Variants in HEATR1 observed in about 807,000 individuals in gnomAD.
The protein encoded by HEATR1 is HEAT repeat containing 1.
A neutral mutation model predicts 248.2 loss-of-function variants in HEATR1; 77 were observed. The observed-to-expected ratio is 0.31, with a 90% confidence interval of 0.26 to 0.37. The LOEUF (loss-of-function observed/expected upper bound fraction) is 0.37, where lower values mean the gene tolerates loss of function less well. Among genes scored for constraint, HEATR1 ranks in the 10% least tolerant of loss-of-function variants. The pLI is 1.00. For synonymous variants in HEATR1, 897 were observed against 923.1 expected (o/e 0.97, Z 0.51); for missense variants, 2,420 against 2,504.9 (o/e 0.97, Z 0.72).
intron 25 of HEATR1, 37 bp downstream of exon 25, chr1:236,572,688 A>C: frequency 6.2e-7 from 1 of 1,600,286 alleles, no homozygotes; most frequent in South Asian, 1.1e-5. Flanking sequence ...AGAGTCAGGG[A>C]ACAACAGCAT....
intron 37 of HEATR1, among the ~76,000 whole-genome samples, chr1:236,556,674 A>C (rs1170081420): frequency 6.6e-6 from 1 of 152,234 alleles, no homozygotes; most frequent in Non-Finnish European, 1.5e-5. Context: ...CATGGTAATG[A>C]AGGCTCCTAA....
In HEATR1 at chr1:236,603,965, G is replaced by T; in HGVS notation, c.131C>A (p.Ala44Asp). The T allele has an allele frequency of 6.3e-7, 1 of 1,595,752 alleles. No individual in the cohort carries two copies. Among genetic ancestry groups the T allele is most frequent in the Non-Finnish European group, 8.5e-7 (1 of 1,174,552 alleles). ...KEAATIDRDTAFAIGCTGLEE... is the reference protein window; with the variant it reads ...KEAATIDRDTDFAIGCTGLEE... The stretch of plus-strand genomic sequence containing the variant: ...AAAAGATGGCTCACCAATGGCGAAG[G>T]CGGTGTCCCTGTCGATTGTGGCCGC... The change falls in exon 2 of 45, where the codon GCC becomes GAC. Residue 44 changes from alanine (A) to aspartate (D), a missense_variant. Transcript: ENST00000366582.
intron 29 of HEATR1, 91 bp downstream of exon 29, chr1:236,568,905 A>C (rs1490614902): frequency 7.4e-6 from 7 of 949,096 alleles, no homozygotes; most frequent in Admixed American, 8.3e-5. Context: ...AAACAAAAAA[A>C]AAAAACTAAA....
chr1:236,572,539 T>C lies in HEATR1; in HGVS notation c.3579A>G (p.Leu1193=). ...AACCTCCAACTTCCTGAACAGATTC[T>C]AGATCTTGTGATTTTCTGGAAAATG... The part of the protein sequence containing the change: ...QKMQQKKSQD[L]ESVQEVGGSY... Residue 1193 remains leucine, a synonymous_variant, in exon 26 of 45, where the codon CTA becomes CTG. Transcript: ENST00000366582. The C allele has an allele frequency of 6.2e-7, 1 of 1,613,884 alleles. No homozygotes were observed. Among genetic ancestry groups the C allele is most frequent in the Non-Finnish European group, 8.5e-7 (1 of 1,179,916 alleles).
At position 236,554,661 on chromosome 1, in the gene HEATR1, A is replaced by C; in HGVS notation, c.6015T>G (p.Phe2005Leu). 1 of 1,613,412 alleles carries C rather than the reference A, an allele frequency of 6.2e-7. No homozygotes were observed. Among genetic ancestry groups the C allele is most frequent in the Non-Finnish European group, 8.5e-7 (1 of 1,179,666 alleles). ...CTTTACTTATAAAATGCTGGGTATCAAAAAGGAAGATTTTGTATAAACAGT... is the reference window on the plus strand; with the variant it reads ...CTTTACTTATAAAATGCTGGGTATCCAAAAGGAAGATTTTGTATAAACAGT... ...ILNCLYKIFL[F>L]DTQHFISKER... Residue 2005 changes from phenylalanine to leucine, a missense_variant, in exon 42 of 45, where the codon TTT becomes TTG. Coordinates refer to ENST00000366582, the MANE Select transcript of HEATR1 (RefSeq NM_018072.6).
rs1364456183 is a variant in HEATR1 at position 236,576,336 on chromosome 1, TTTC to T, written c.2964_2966del (p.Lys989del). ...CAGACAACTTCTGATGAGATTTCAG[TTTC>T]TTTTCTCTCTGTAGTTCCTCAAATA... is the stretch of plus-strand genomic sequence containing the variant. On this transcript the variant is annotated inframe_deletion, in exon 22 of 45. Transcript: ENST00000366582. 1.6e-5 allele frequency: 25 copies of T among 1,610,078 alleles called. No homozygotes were observed. The highest frequency in any genetic ancestry group is 2.0e-5 in the Non-Finnish European group (24 of 1,178,814).
Position 236,576,189 on chromosome 1 carries a change from G to C in HEATR1, c.3084+30C>G, listed in dbSNP as rs769154533. The C allele has an allele frequency of 3.9e-6, 6 of 1,533,156 alleles. No homozygotes were observed. In the South Asian group the frequency reaches 5.1e-5, roughly 13 times the overall value. 95.0% of individuals were successfully genotyped at this position (1,533,156 alleles called of 1,614,324 possible). A position where few individuals can be genotyped will look rare whatever the true frequency, so the allele number is the denominator to read the frequency against. On this transcript the variant is annotated intron_variant, in intron 22 of 44. Coordinates refer to ENST00000366582, the MANE Select transcript of HEATR1 (RefSeq NM_018072.6). The stretch of plus-strand genomic sequence containing the variant: ...CAACAATTCTTTAGTAACATCACAG[G>C]AATGTACAATCCACTTAAATGGCAC...
rs1317692793 is a variant in HEATR1 at position 236,582,828 on chromosome 1, C to G, written c.2470G>C (p.Asp824His). The change falls in exon 19 of 45, where the codon GAC (aspartate) becomes CAC (histidine). Residue 824 changes from aspartate (D) to histidine (H), a missense_variant. Asp to His is a moderately conservative substitution (Grantham distance 81). Transcript: ENST00000366582. The part of the protein sequence containing the change: ...NPEQLKEDSR[D>H]YLHLLIGLFE... ...AGCCCAATGAGCAAGTGCAGATAGT[C>G]CCTGCTGTCTTCTTTCAGTTGTTCA... 1.1e-5 allele frequency: 18 copies of G among 1,613,788 alleles called. No individual in the cohort carries two copies. Among genetic ancestry groups the G allele is most frequent in the Non-Finnish European group, 1.5e-5 (18 of 1,179,788 alleles).
intron 12 of HEATR1, among the ~76,000 whole-genome samples, chr1:236,589,383 A>C (rs1414416485): frequency 6.6e-6 from 1 of 152,248 alleles, no homozygotes; most frequent in African/African-American, 2.4e-5. Flanking sequence ...CCTGAATATT[A>C]CATCAGTCAC....
intron 4 of HEATR1, 30 bp from the exon 5 acceptor site, chr1:236,598,009 G>A: frequency 1.4e-6 from 2 of 1,393,186 alleles, no homozygotes; most frequent in Non-Finnish European, 2.0e-6. Context: ...CAAACTACTA[G>A]CAACATTCAT....
Position 236,586,257 on chromosome 1 carries a change from T to C in HEATR1, c.1911A>G (p.Leu637=), listed in dbSNP as rs753457275. 1.8e-5 allele frequency: 29 copies of C among 1,610,754 alleles called. No individual in the cohort carries two copies. The highest frequency in any genetic ancestry group is 2.4e-5 in the Non-Finnish European group (28 of 1,178,306). Residue 637 remains leucine, a synonymous_variant, in exon 15 of 45, where the codon TTA becomes TTG. Transcript: ENST00000366582. The part of the protein sequence containing the change: ...KSGICSLHPL[L]RGWEEALENV... ...ATTTTTTACCTTCTTCCCAGCCTCT[T>C]AATAGAGGGTGCAGGGAGCAGATTC... is the stretch of plus-strand genomic sequence containing the variant.
chr1:236,575,023 T>C (rs757297512), intron 22 of HEATR1, 120 bp from the exon 23 acceptor site: 17 of 871,076 alleles, frequency 2.0e-5, no homozygotes, highest in Admixed American at 2.8e-5. Flanking sequence ...AAAAACCCAA[T>C]GATGGTAACT....
chr1:236,562,501 C>A (rs1018160724), intron 32 of HEATR1, among the ~76,000 whole-genome samples: 3 of 152,188 alleles, frequency 2.0e-5, no homozygotes, highest in Non-Finnish European at 4.4e-5. Flanking sequence ...ATTCTCTCCC[C>A]CAACTGCTTT....
intron 23 of HEATR1, 70 bp downstream of exon 23, chr1:236,574,591 T>G: frequency 6.8e-7 from 1 of 1,472,416 alleles, no homozygotes; most frequent in East Asian, 2.3e-5. Flanking sequence ...TTTTTAACGC[T>G]GTTCCTGTTG....
At chr1:236,573,603 A>G (rs1333332681) in intron 24 of HEATR1, among the ~76,000 whole-genome samples, 2 of 152,122 alleles carry the variant, frequency 1.3e-5, no homozygotes, top group African/African-American at 4.8e-5. Context: ...ACTGAAGTAC[A>G]GAGGGATGAA....
At chr1:236,589,925 T>C (rs1663988864) in intron 12 of HEATR1, among the ~76,000 whole-genome samples, 1 of 152,204 alleles carries the variant, frequency 6.6e-6, no homozygotes, top group African/African-American at 2.4e-5. Flanking sequence ...GAGAAAATAA[T>C]ACTACTATCA....
At chr1:236,583,615 T>C (rs1199036479) in intron 17 of HEATR1, among the ~76,000 whole-genome samples, 1 of 151,106 alleles carries the variant, frequency 6.6e-6, no homozygotes, top group Non-Finnish European at 1.5e-5. Context: ...GCCTCCCGAG[T>C]AGGAAGGATT....
rs71178327 is a variant in HEATR1, at chr1:236,580,824, A to ATTTTTTTTTTTT, written c.2755+386_2755+397dup. ...AAGCCACCTCGCCTGGCCTTTATCG[A>ATTTTTTTTTTTT]TTTTTTTTTTTTTTGAGATGGAGTC... On this transcript the variant is annotated intron_variant, in intron 20 of 44. Coordinates refer to ENST00000366582, the MANE Select transcript of HEATR1 (RefSeq NM_018072.6). Among the ~76,000 whole-genome samples, 237 of 126,598 alleles carry ATTTTTTTTTTTT rather than the reference A, an allele frequency of 1.9e-3. 7 individuals carry two copies. Among genetic ancestry groups the ATTTTTTTTTTTT allele is most frequent in the Non-Finnish European group, 2.4e-3 (148 of 62,758 alleles). 83.1% of individuals were successfully genotyped at this position (126,598 alleles called of 152,430 possible). A position where few individuals can be genotyped will look rare whatever the true frequency, so the allele number is the denominator to read the frequency against.
Position 236,565,999 on chromosome 1 carries a change from C to T in HEATR1, c.4355G>A (p.Cys1452Tyr). ...TATCTGATGCTGGACACTAAACTCA[C>T]AACAGACTGAAAACCAAAATTCAGT... ...ADTEFWFSVCCEFSVQHQIQS... is the reference protein window; with the variant it reads ...ADTEFWFSVCYEFSVQHQIQS... The change falls in exon 31 of 45, where the codon TGT becomes TAT. Residue 1452 changes from cysteine to tyrosine, a missense_variant. Transcript: ENST00000366582. 2 of 1,613,960 alleles carry T rather than the reference C, an allele frequency of 1.2e-6. No individual in the cohort carries two copies. Among genetic ancestry groups the T allele is most frequent in the Non-Finnish European group, 1.7e-6 (2 of 1,179,908 alleles).
Sources: allele counts gnomAD v4.1 joint callset (sites outside exome capture counted in the v4.1 genomes callset), GRCh38; gene constraint gnomAD v4.1.1; transcripts MANE v1.5; gene names NCBI Gene and HGNC (gene_info 2026-07-23, HGNC 2026-07-21).